CCDC7: variants seen among roughly 807,000 people sequenced by gnomAD.
The protein encoded by CCDC7 is coiled-coil domain-containing protein 7.
A neutral mutation model predicts 196.9 loss-of-function variants in CCDC7; 183 were observed. The ratio of observed to expected loss-of-function variants is 0.93; its 90% CI spans 0.82 to 1.05. The LOEUF is 1.05. Among genes scored for constraint, CCDC7 ranks in the 50% least tolerant of loss-of-function variants. The pLI is 0.00. For synonymous variants in CCDC7, 525 were observed against 484.6 expected, an observed-to-expected ratio of 1.08 and a Z score of -1.10; for missense variants, 1,540 against 1,482.2, an observed-to-expected ratio of 1.04 and a Z score of -0.64.
intron 32 of CCDC7, among the ~76,000 whole-genome samples, chr10:32,827,859 A>G (rs1431411961): frequency 6.6e-6 from 1 of 152,118 alleles, no homozygotes; most frequent in Non-Finnish European, 1.5e-5. Flanking sequence ...TGTGGGAGAA[A>G]TTTCTATCTA....
At chr10:32,701,874 C>A (rs557217291) in intron 24 of CCDC7, among the ~76,000 whole-genome samples, 1 of 152,176 alleles carries the variant, frequency 6.6e-6, no homozygotes, top group Non-Finnish European at 1.5e-5. Context: ...TCCCCTTTAT[C>A]ATTTTTTATT....
intron 38 of CCDC7, among the ~76,000 whole-genome samples, chr10:32,848,336 G>A (rs575842354): frequency 1.4e-4 from 22 of 152,164 alleles, no homozygotes; most frequent in African/African-American, 5.3e-4. Context: ...TTATAGAAAT[G>A]AACATTTGGT....
chr10:32,676,532 A>G (rs2075008149), intron 21 of CCDC7, among the ~76,000 whole-genome samples: 1 of 152,082 alleles, frequency 6.6e-6, no homozygotes. Context: ...AGAAAAAAAC[A>G]AACAACCCCA....
chr10:32,448,108 A>G (rs1352756402), upstream of CCDC7, among the ~76,000 whole-genome samples: 1 of 152,196 alleles, frequency 6.6e-6, no homozygotes, highest in Non-Finnish European at 1.5e-5. Context: ...TCAGTTAACT[A>G]TAGTGTTAAC....
intron 5 of CCDC7, among the ~76,000 whole-genome samples, chr10:32,465,845 C>G (rs1370499338): frequency 6.6e-6 from 1 of 152,182 alleles, no homozygotes; most frequent in Non-Finnish European, 1.5e-5. Context: ...AAACTCATAT[C>G]TCTTCTAGTG....
At chr10:32,652,873 T>G (rs4749744) in intron 20 of CCDC7, among the ~76,000 whole-genome samples, 60,288 of 152,012 alleles carry the variant, frequency 0.4, 12,195 homozygotes, top group East Asian at 0.58. Flanking sequence ...GAATTTGTAT[T>G]GTTTCTATTA....
intron 18 of CCDC7, among the ~76,000 whole-genome samples, chr10:32,588,469 A>G (rs949059336): frequency 2.6e-5 from 4 of 151,912 alleles, no homozygotes; most frequent in Non-Finnish European, 5.9e-5. Context: ...ATACTGAGTG[A>G]TTTTCCTAGT....
intron 18 of CCDC7, among the ~76,000 whole-genome samples, chr10:32,594,157 G>C (rs1052718076): frequency 6.6e-6 from 1 of 152,146 alleles, no homozygotes; most frequent in African/African-American, 2.4e-5. Context: ...CCATTTTCAC[G>C]ATATTGATTC....
exon 8 of CCDC7, chr10:32,473,972 T>A (rs2133962481): frequency 6.2e-7 from 1 of 1,609,364 alleles, no homozygotes; most frequent in Non-Finnish European, 8.5e-7. Flanking sequence ...TTCAGAATTC[T>A]TAGAAGCCCA....
chr10:32,678,288 A>C (rs752689671), intron 21 of CCDC7, among the ~76,000 whole-genome samples: 6 of 152,168 alleles, frequency 3.9e-5, no homozygotes, highest in Non-Finnish European at 4.4e-5. Flanking sequence ...TCAACAGAGC[A>C]TCCCGTGGGG....
At chr10:32,868,382 T>C (rs930865250) in intron 41 of CCDC7, among the ~76,000 whole-genome samples, 1 of 151,990 alleles carries the variant, frequency 6.6e-6, no homozygotes, top group Non-Finnish European at 1.5e-5. Flanking sequence ...TCTACTCATC[T>C]GTTTCTTTAG....
intron 1 of CCDC7, 94 bp from the exon 3 acceptor site, chr10:32,453,250 G>T (rs1345289152): frequency 9.5e-6 from 9 of 948,392 alleles, no homozygotes; most frequent in Non-Finnish European, 1.2e-5. Flanking sequence ...CTGGTAAAAA[G>T]GTCCTGGCAT....
chr10:32,807,770 C>T (rs897924926), intron 30 of CCDC7, among the ~76,000 whole-genome samples: 2 of 151,854 alleles, frequency 1.3e-5, no homozygotes, highest in Non-Finnish European at 2.9e-5. Flanking sequence ...GTCACACACA[C>T]ACACCGTGAG....
At chr10:32,848,502 C>A in intron 38 of CCDC7, 94 bp from the exon 40 acceptor site, 3 of 925,356 alleles carry the variant, frequency 3.2e-6, no homozygotes, top group South Asian at 2.0e-5. Context: ...GAAAAATTAC[C>A]AAGGCAGAAA....
chr10:32,549,661 T>A (rs573641583), intron 13 of CCDC7, among the ~76,000 whole-genome samples: 84 of 152,332 alleles, frequency 5.5e-4, no homozygotes, highest in Middle Eastern at 3.4e-3. Flanking sequence ...CACCATTTGT[T>A]GAATAGGGTG....
At chr10:32,606,171 G>A (rs752185461) in intron 18 of CCDC7, among the ~76,000 whole-genome samples, 47 of 152,352 alleles carry the variant, frequency 3.1e-4, no homozygotes, top group Admixed American at 4.6e-4. Context: ...CAAGCCATAA[G>A]CTTTGGTGGT....
intron 30 of CCDC7, among the ~76,000 whole-genome samples, chr10:32,808,378 T>C (rs906608413): frequency 2.0e-5 from 3 of 152,162 alleles, no homozygotes; most frequent in Admixed American, 2.0e-4. Context: ...GGGCTCATCC[T>C]GCCCCATTTA....
At chr10:32,637,595 G>C (rs1384885543) in intron 20 of CCDC7, among the ~76,000 whole-genome samples, 2 of 152,136 alleles carry the variant, frequency 1.3e-5, no homozygotes, top group Admixed American at 6.5e-5. Context: ...CTATAGCTCT[G>C]TTTTGGTACC....
At chr10:32,815,931 A>G (rs1412545028) in intron 31 of CCDC7, among the ~76,000 whole-genome samples, 1 of 152,178 alleles carries the variant, frequency 6.6e-6, no homozygotes, top group Non-Finnish European at 1.5e-5. Context: ...AACGCAGAAG[A>G]TGGGTGATTT....
Sources: gnomAD v4.1 joint callset for allele counts (sites outside exome capture counted in the v4.1 genomes callset) on GRCh38, gnomAD v4.1.1 for gene constraint, MANE v1.5 for transcripts, NCBI Gene and HGNC (gene_info 2026-07-23, HGNC 2026-07-21) for gene names.